ESYT3: variants seen among roughly 807,000 people sequenced by gnomAD.
The protein encoded by ESYT3 is extended synaptotagmin 3, also known as extended synaptotagmin-3.
ESYT3 carries 101 observed loss-of-function variants against 111.5 expected under a neutral mutation model. The ratio of observed to expected loss-of-function variants is 0.91; its 90% CI spans 0.77 to 1.07. The LOEUF (loss-of-function observed/expected upper bound fraction) is 1.07, where lower values mean the gene tolerates loss of function less well. Ranked by LOEUF, ESYT3 falls within the 50% of genes least tolerant of loss-of-function variation. The pLI is 0.00. For synonymous variants in ESYT3, 416 were observed against 446.8 expected, an observed-to-expected ratio of 0.93 and a Z score of 0.87; for missense variants, 1,097 against 1,109.4, an observed-to-expected ratio of 0.99 and a Z score of 0.16.
intron 4 of ESYT3, 61 bp downstream of exon 4, chr3:138,457,705 G>GT (rs2032378544): frequency 2.0e-6 from 3 of 1,478,734 alleles, no homozygotes; most frequent in Admixed American, 3.3e-5. Flanking sequence ...GGAACAGCCA[G>GT]TTTGAAGATG....
At chr3:138,448,294 T>A (rs60665592) in intron 1 of ESYT3, among the ~76,000 whole-genome samples, 8,667 of 74,854 alleles carry the variant, frequency 0.12, 690 homozygotes, top group East Asian at 0.4. Context: ...AAAAAAAAAA[T>A]GCAGGGGAGG....
intron 1 of ESYT3, among the ~76,000 whole-genome samples, chr3:138,436,397 T>G (rs2030693624): frequency 6.6e-6 from 1 of 152,212 alleles, no homozygotes; most frequent in Non-Finnish European, 1.5e-5. Context: ...CTCACCCTAA[T>G]GAACTCATTT....
chr3:138,473,617 G>C lies in ESYT3; in HGVS notation c.2319G>C (p.Val773=). 2 of 1,613,642 alleles carry C rather than the reference G, an allele frequency of 1.2e-6. No homozygotes were observed. The highest frequency in any genetic ancestry group is 1.7e-6 in the Non-Finnish European group (2 of 1,179,718). Residue 773 remains valine, a synonymous_variant, in exon 19 of 23, where the codon GTG becomes GTC. Coordinates refer to ENST00000389567, the MANE Select transcript of ESYT3 (RefSeq NM_031913.5). The part of the protein sequence containing the change: ...RYVCLRRCLS[V]LINGCRNLTP... ...TGTGTCTGCGGCGCTGCCTCAGCGT[G>C]CTAATCAATGGCTGCAGGTAAAGGG...
chr3:138,473,685 T>C, intron 19 of ESYT3, 51 bp downstream of exon 19: 17 of 1,474,888 alleles, frequency 1.2e-5, no homozygotes, highest in Non-Finnish European at 1.4e-5. Flanking sequence ...CAGGTGACCA[T>C]AAATCAGAGT....
rs1023049608 is a variant in ESYT3, at chr3:138,452,179, C to T, written c.369+90C>T. The T allele has an allele frequency of 6.0e-6, 8 of 1,322,578 alleles. No individual in the cohort carries two copies. In the East Asian group the frequency reaches 1.7e-4, roughly 27 times the overall value. The allele number at this position is 1,322,578 out of a possible 1,614,324, so 81.9% of individuals were successfully genotyped here. On this transcript the variant is annotated intron_variant, in intron 2 of 22. Transcript: ENST00000389567. ...CACCCCCACAGCCTGATGGGGGCCT[C>T]GCGGCAATTTCCTTGCCTGACGCGG... is the stretch of plus-strand genomic sequence containing the variant.
chr3:138,472,558 A>G lies in ESYT3; in HGVS notation c.1936A>G (p.Thr646Ala), dbSNP rs182676461. The change falls in exon 18 of 23, where the codon ACC becomes GCC. Residue 646 changes from threonine (T) to alanine (A), a missense_variant. Physicochemically the swap from Thr to Ala is moderately conservative, Grantham distance 58. Transcript: ENST00000389567. The part of the protein sequence containing the change: ...DTKDVSRSTT[T>A]TTSATTVATE... ...TAAGGACGTATCCAGGAGTACCACA[A>G]CCACCACCAGTGCTACCACCGTTGC... The G allele has an allele frequency of 2.5e-4, 410 of 1,614,146 alleles. 3 individuals carry two copies. The Admixed American group carries it at 6.5e-3, about 26-fold the overall frequency.
At chr3:138,455,479 A>G (rs1576440960) in intron 3 of ESYT3, 151 bp downstream of exon 3, 1 of 755,190 alleles carries the variant, frequency 1.3e-6, no homozygotes, top group Non-Finnish European at 2.1e-6. Context: ...CACCACCTGC[A>G]TTTCCCAGCC....
At chr3:138,438,694 G>GT (rs1285407500) in intron 1 of ESYT3, among the ~76,000 whole-genome samples, 1 of 152,196 alleles carries the variant, frequency 6.6e-6, no homozygotes, top group Non-Finnish European at 1.5e-5. Flanking sequence ...AAAGGAGGTT[G>GT]TATTGGATGG....
chr3:138,476,518 CTG>C, intron 22 of ESYT3, 26 bp downstream of exon 22: 1 of 1,608,710 alleles, frequency 6.2e-7, no homozygotes, highest in Non-Finnish European at 8.5e-7. Flanking sequence ...CATTTTATCA[CTG>C]TTATCCTGCT....
chr3:138,456,328 G>A (rs577407319), intron 3 of ESYT3, among the ~76,000 whole-genome samples: 7 of 152,356 alleles, frequency 4.6e-5, no homozygotes, highest in South Asian at 4.1e-4. Flanking sequence ...CAGTATCTGC[G>A]TGCATGATGG....
chr3:138,452,479 T>C (rs2032008803), intron 2 of ESYT3, among the ~76,000 whole-genome samples: 1 of 152,174 alleles, frequency 6.6e-6, no homozygotes, highest in Non-Finnish European at 1.5e-5. Flanking sequence ...CTAACACCTC[T>C]GAGCTGGCTT....
intron 16 of ESYT3, chr3:138,470,479 C>T: frequency 9.1e-7 from 1 of 1,102,584 alleles, no homozygotes; most frequent in South Asian, 3.4e-5. Context: ...TTCATTTAAT[C>T]TTCACAAAAG....
rs2030550370 is a variant in ESYT3, at chr3:138,435,120, G to T, written c.322G>T (p.Ala108Ser). The change falls in exon 1 of 23, where the codon GCC (alanine) becomes TCC (serine). Residue 108 changes from alanine (A) to serine (S), a missense_variant. Ala to Ser is a moderately conservative substitution (Grantham distance 99). Coordinates refer to ENST00000389567, the MANE Select transcript of ESYT3 (RefSeq NM_031913.5). The surrounding 1 kb of genome is among the most constrained non-coding windows in gnomAD (Gnocchi z 4.8). ...SRELRGQHLPAWIHFPDVERV... is the reference protein window; with the variant it reads ...SRELRGQHLPSWIHFPDVERV... Reference sequence around the variant, plus strand: ...CGAGCTGCGGGGCCAGCACCTGCCAGCCTGGGTGAGCCAAGCCGGGTGGGA... The same window carrying T: ...CGAGCTGCGGGGCCAGCACCTGCCATCCTGGGTGAGCCAAGCCGGGTGGGA... The T allele has an allele frequency of 6.3e-7, 1 of 1,577,936 alleles. No individual in the cohort carries two copies. Among genetic ancestry groups the T allele is most frequent in the Non-Finnish European group, 8.6e-7 (1 of 1,163,314 alleles).
chr3:138,437,786 G>A (rs894539072), intron 1 of ESYT3, among the ~76,000 whole-genome samples: 1 of 152,112 alleles, frequency 6.6e-6, no homozygotes, highest in Admixed American at 6.5e-5. Context: ...ATGCGTGGTG[G>A]CCTCTAGAGT....
intron 3 of ESYT3, among the ~76,000 whole-genome samples, chr3:138,456,756 AC>A (rs1346075933): frequency 2.6e-5 from 4 of 152,056 alleles, no homozygotes; most frequent in African/African-American, 7.2e-5. Flanking sequence ...TTCCCACCCC[AC>A]CCCCGGTCTG....
At chr3:138,471,907 G>GACCCCTCAA (rs1220868591) in intron 17 of ESYT3, among the ~76,000 whole-genome samples, 1 of 152,150 alleles carries the variant, frequency 6.6e-6, no homozygotes, top group Non-Finnish European at 1.5e-5. Context: ...CAGAGTACAG[G>GACCCCTCAA]CTGTGGCAAA....
At chr3:138,452,261 C>T (rs2031990909) in intron 2 of ESYT3, among the ~76,000 whole-genome samples, 172 bp downstream of exon 2, 1 of 152,150 alleles carries the variant, frequency 6.6e-6, no homozygotes, top group African/African-American at 2.4e-5. Flanking sequence ...TTGTTAACAA[C>T]AACAAATTGA....
chr3:138,461,966 G>T, intron 7 of ESYT3, 120 bp from the exon 8 acceptor site: 1 of 1,466,742 alleles, frequency 6.8e-7, no homozygotes. Context: ...GGTCAGGGCT[G>T]TTCTCTAGGT....
At chr3:138,439,870 T>C (rs898560012) in intron 1 of ESYT3, among the ~76,000 whole-genome samples, 4 of 152,172 alleles carry the variant, frequency 2.6e-5, no homozygotes, top group African/African-American at 4.8e-5. Context: ...TTTCAGCTGG[T>C]AGCCATCAGT....
Sources: allele counts gnomAD v4.1 joint callset (sites outside exome capture counted in the v4.1 genomes callset), GRCh38; gene constraint gnomAD v4.1.1; non-coding constraint Gnocchi (gnomAD v3.1); transcripts MANE v1.5; gene names NCBI Gene and HGNC (gene_info 2026-07-23, HGNC 2026-07-21).